Variants in RELT observed in about 807,000 individuals in gnomAD.
RELT encodes the protein tumor necrosis factor receptor superfamily member 19L.
A neutral mutation model predicts 51.1 loss-of-function variants in RELT; 37 were observed. The ratio of observed to expected loss-of-function variants is 0.72; its 90% CI spans 0.56 to 0.95. The LOEUF is 0.95. Among genes scored for constraint, RELT ranks in the 40% least tolerant of loss-of-function variants. The pLI is 0.00. For missense variants in RELT, 535 were observed against 572.6 expected (o/e 0.93, Z 0.67); for synonymous variants, 241 against 235.7 (o/e 1.02, Z -0.21).
chr11:73,390,655 C>T, intron 3 of RELT, 30 bp downstream of exon 3: 6 of 1,612,714 alleles, frequency 3.7e-6, no homozygotes, highest in Non-Finnish European at 5.1e-6. Flanking sequence ...CCTGCCTGTC[C>T]TGGGAGGGCC....
intron 1 of RELT, among the ~76,000 whole-genome samples, chr11:73,378,199 G>A (rs936168115): frequency 3.3e-5 from 5 of 152,146 alleles, no homozygotes; most frequent in East Asian, 1.9e-4. Flanking sequence ...CCCTTCTCCC[G>A]TATGAAGGTC....
At chr11:73,385,014 G>C (rs1381130109) in intron 1 of RELT, among the ~76,000 whole-genome samples, 2 of 152,068 alleles carry the variant, frequency 1.3e-5, no homozygotes, top group Non-Finnish European at 2.9e-5. Context: ...GCGTGTGGGT[G>C]GGGGAGGTTG....
intron 2 of RELT, among the ~76,000 whole-genome samples, chr11:73,389,772 C>G (rs1866181544): frequency 6.6e-6 from 1 of 152,218 alleles, no homozygotes; most frequent in Non-Finnish European, 1.5e-5. Flanking sequence ...AGGAGGCCTT[C>G]CAGCCTTAGC....
intron 1 of RELT, 59 bp from the exon 2 acceptor site, chr11:73,389,053 G>A (rs1866169002): frequency 4.7e-6 from 4 of 859,554 alleles, no homozygotes; most frequent in Non-Finnish European, 7.5e-6. Context: ...GTGCTGAGGG[G>A]ACAGCAGCTG....
chr11:73,386,338 A>T (rs1386169031), intron 1 of RELT, among the ~76,000 whole-genome samples: 1 of 152,146 alleles, frequency 6.6e-6, no homozygotes, highest in Non-Finnish European at 1.5e-5. Context: ...GCAGAGACGG[A>T]TATGGGACCT....
chr11:73,382,070 C>T (rs1186043285), intron 1 of RELT, among the ~76,000 whole-genome samples: 1 of 152,174 alleles, frequency 6.6e-6, no homozygotes, highest in Non-Finnish European at 1.5e-5. Flanking sequence ...TGCCCAAGGC[C>T]ATCGATCTGC....
Position 73,395,209 on chromosome 11 carries a change from C to A in RELT, c.1169C>A (p.Pro390His), listed in dbSNP as rs746328119. 2 of 1,613,224 alleles carry A rather than the reference C, an allele frequency of 1.2e-6. No individual in the cohort carries two copies. Among genetic ancestry groups the A allele is most frequent in the South Asian group, 1.1e-5 (1 of 91,090 alleles). The change falls in exon 10 of 11, where the codon CCT becomes CAT. Residue 390 changes from proline (P) to histidine (H), a missense_variant. Pro to His is a moderately conservative substitution (Grantham distance 77, BLOSUM62 -2). Transcript: ENST00000064780. ...GACTCCCCACAGCCTGGCCTCCCCC[C>A]TGAGCAGCAGGCCCTGCTAGGAAGT... is the stretch of plus-strand genomic sequence containing the variant. The part of the protein sequence containing the change: ...LPDSPQPGLP[P>H]EQQALLGSGG...
chr11:73,390,561 G>A lies in RELT; in HGVS notation c.56G>A (p.Trp19Ter), dbSNP rs1442278225. 1.2e-6 allele frequency: 2 copies of A among 1,613,876 alleles called. No homozygotes were observed. The highest frequency in any genetic ancestry group is 1.7e-6 in the Non-Finnish European group (2 of 1,179,954). Reference protein sequence around the residue: ...PLSCFLMLLPWPLATLTSTTL... With the variant: ...PLSCFLMLLP ...CTACTGTTCTTCTAGCTGCTGCCCTGGCCTCTCGCCACCCTGACATCAACA... is the reference window on the plus strand; with the variant it reads ...CTACTGTTCTTCTAGCTGCTGCCCTAGCCTCTCGCCACCCTGACATCAACA... Residue 19 changes from tryptophan to a stop codon, truncating the protein, a stop_gained, in exon 3 of 11, where the codon TGG (tryptophan) becomes TAG (stop). Coordinates refer to ENST00000064780, the MANE Select transcript of RELT (RefSeq NM_152222.2). LOFTEE classifies it high-confidence loss of function.
rs982762129 is a variant in RELT at position 73,386,947 on chromosome 11, CT to C, written c.-25-2149del. On this transcript the variant is annotated intron_variant, in intron 1 of 10. Coordinates refer to ENST00000064780, the MANE Select transcript of RELT (RefSeq NM_152222.2). The stretch of plus-strand genomic sequence containing the variant: ...TGGTCACGGTTCCCCCTGGCTTTGT[CT>C]TTTTTTTTTTTTTTTGAGATGGAGT... 4.8e-3 allele frequency among the ~76,000 whole-genome samples: 672 copies of C among 138,908 alleles called. 2 individuals carry two copies. Among genetic ancestry groups the C allele is most frequent in the Middle Eastern group, 0.012 (3 of 256 alleles). The allele number at this position is 138,908 out of a possible 152,430, so 91.1% of individuals were successfully genotyped here. A position where few individuals can be genotyped will look rare whatever the true frequency, so the allele number is the denominator to read the frequency against.
intron 1 of RELT, among the ~76,000 whole-genome samples, chr11:73,381,134 T>G (rs748256415): frequency 1.2e-4 from 18 of 152,216 alleles, no homozygotes; most frequent in Non-Finnish European, 2.2e-4. Context: ...AACCCAGGTC[T>G]GCTGGCCTTG....
Position 73,392,466 on chromosome 11 carries a change from G to T in RELT, c.623G>T (p.Ser208Ile). 6.2e-7 allele frequency: 1 copy of T among 1,611,460 alleles called. No homozygotes were observed. The change falls in exon 6 of 11, where the codon AGT becomes ATT. Residue 208 changes from serine (S) to isoleucine (I), a missense_variant and splice_region_variant. By Grantham distance (142) the Ser-to-Ile change is moderately radical. Transcript: ENST00000064780. ...GGGCCCGGCCCTGGAGGTGGAGGCA[G>T]TGGTGAGGCCCAGCTGGGGTCCAGG... The part of the protein sequence containing the change: ...EVGPGPGGGG[S>I]GINPAYRTED...
At chr11:73,386,850 C>T (rs1032854779) in intron 1 of RELT, among the ~76,000 whole-genome samples, 2 of 152,160 alleles carry the variant, frequency 1.3e-5, no homozygotes, top group Non-Finnish European at 2.9e-5. Flanking sequence ...CTCTTTTCAC[C>T]CCCGCATCAG....
chr11:73,395,605 G>T lies in RELT; in HGVS notation c.*114G>T. On this transcript the variant is annotated 3_prime_UTR_variant, in exon 11 of 11. Coordinates refer to ENST00000064780, the MANE Select transcript of RELT (RefSeq NM_152222.2). The stretch of plus-strand genomic sequence containing the variant: ...AGGACCGAGAAGCAATGGCCCAGCA[G>T]ACGAGACAGCAAAGACCAAGGCCTG... The T allele has an allele frequency of 1.3e-6, 1 of 756,068 alleles. No homozygotes were observed. Among genetic ancestry groups the T allele is most frequent in the East Asian group, 2.4e-5 (1 of 40,944 alleles). 46.8% of individuals were successfully genotyped at this position (756,068 alleles called of 1,614,324 possible). A position where few individuals can be genotyped will look rare whatever the true frequency, so the allele number is the denominator to read the frequency against.
intron 2 of RELT, among the ~76,000 whole-genome samples, chr11:73,390,111 A>G (rs1866186518): frequency 6.6e-6 from 1 of 152,174 alleles, no homozygotes; most frequent in Admixed American, 6.5e-5. Context: ...AGGAAGCGCC[A>G]CCTGCAGACT....
In RELT at chr11:73,395,081, T is replaced by A; in HGVS notation, c.1047-6T>A. ...AACGGGGATGATTGCCCCACTCTCC[T>A]CACAGGTTCCGCGTGGCTCGAATTC... On this transcript the variant is annotated splice_region_variant and splice_polypyrimidine_tract_variant and intron_variant, in intron 9 of 10. Transcript: ENST00000064780. 1 of 1,612,178 alleles carries A rather than the reference T, an allele frequency of 6.2e-7. No homozygotes were observed. The highest frequency in any genetic ancestry group is 2.2e-5 in the East Asian group (1 of 44,876).
chr11:73,394,325 G>A lies in RELT; in HGVS notation c.788+8G>A. 5 of 1,613,070 alleles carry A rather than the reference G, an allele frequency of 3.1e-6. No individual in the cohort carries two copies. The highest frequency in any genetic ancestry group is 4.2e-6 in the Non-Finnish European group (5 of 1,179,816). ...CCACAGGCCTGTGTCCAAGTGAGTGGGCTGGTGGGAGATAACGGGGCCAAA... is the reference window on the plus strand; with the variant it reads ...CCACAGGCCTGTGTCCAAGTGAGTGAGCTGGTGGGAGATAACGGGGCCAAA... On this transcript the variant is annotated splice_region_variant and intron_variant, in intron 8 of 10. Coordinates refer to ENST00000064780, the MANE Select transcript of RELT (RefSeq NM_152222.2). This position sits in a 1 kb window ranked among gnomAD's most constrained non-coding sequence, Gnocchi z 4.9.
At chr11:73,383,787 C>T (rs1039931104) in intron 1 of RELT, among the ~76,000 whole-genome samples, 3 of 152,216 alleles carry the variant, frequency 2.0e-5, no homozygotes, top group Non-Finnish European at 4.4e-5. Flanking sequence ...GATGAGGGCC[C>T]GGCCTGCACA....
chr11:73,391,099 T>G, intron 4 of RELT, 45 bp from the exon 5 acceptor site: 1 of 1,591,376 alleles, frequency 6.3e-7, no homozygotes, highest in Non-Finnish European at 8.6e-7. Flanking sequence ...AAGGATAGTG[T>G]TTGGGGAAAC....
In RELT at chr11:73,395,802, TCAGAGGCTGGGCTTGGCA is replaced by T. The variant is rs1590741242; in HGVS notation, c.*312_*329del. On this transcript the variant is annotated 3_prime_UTR_variant, in exon 11 of 11. Transcript: ENST00000064780. ...GGAGCCCACGGGATTCTCTGTATCA[TCAGAGGCTGGGCTTGGCA>T]GAGGGGAGGGGCCTGTGCCCGTCAC... 2 of 477,470 alleles carry T rather than the reference TCAGAGGCTGGGCTTGGCA, an allele frequency of 4.2e-6. No individual in the cohort carries two copies. Among genetic ancestry groups the T allele is most frequent in the Non-Finnish European group, 7.6e-6 (2 of 263,892 alleles). The allele number at this position is 477,470 out of a possible 1,614,324, so 29.6% of individuals were successfully genotyped here. A position where few individuals can be genotyped will look rare whatever the true frequency, so the allele number is the denominator to read the frequency against.
Sources: gnomAD v4.1 joint callset for allele counts (sites outside exome capture counted in the v4.1 genomes callset) on GRCh38, gnomAD v4.1.1 for gene constraint, Gnocchi (gnomAD v3.1) non-coding constraint, MANE v1.5 for transcripts, NCBI Gene and HGNC (gene_info 2026-07-23, HGNC 2026-07-21) for gene names.